SLC43A2: variants seen among roughly 807,000 people sequenced by gnomAD.
SLC43A2 encodes the protein large neutral amino acids transporter small subunit 4.
Under a neutral mutation model 63.2 loss-of-function variants are expected in SLC43A2, and 38 were observed. The ratio of observed to expected loss-of-function variants is 0.60; its 90% CI spans 0.46 to 0.79. The LOEUF (loss-of-function observed/expected upper bound fraction) is 0.79, where lower values mean the gene tolerates loss of function less well. SLC43A2 is among the 30% of genes least tolerant of loss of function. The pLI is 0.00. For missense variants in SLC43A2, 644 were observed against 756.2 expected (o/e 0.85, Z 1.74); for synonymous variants, 322 against 331.0 (o/e 0.97, Z 0.30).
chr17:1,593,117 C>T lies in SLC43A2; in HGVS notation c.594+70G>A. On this transcript the variant is annotated intron_variant, in intron 6 of 13. Coordinates refer to ENST00000301335, the MANE Select transcript of SLC43A2 (RefSeq NM_152346.3). This position sits in a 1 kb window ranked among gnomAD's most constrained non-coding sequence, Gnocchi z 5.3. ...CCCGGGTGCCCACAATTGCCTCCCT[C>T]TTCAGAGAGGGTGGAAGGAGCCTGG... 6.7e-6 allele frequency: 10 copies of T among 1,502,618 alleles called. No homozygotes were observed. Among genetic ancestry groups the T allele is most frequent in the African/African-American group, 1.4e-5 (1 of 72,898 alleles). 93.1% of individuals were successfully genotyped at this position (1,502,618 alleles called of 1,614,324 possible). A position where few individuals can be genotyped will look rare whatever the true frequency, so the allele number is the denominator to read the frequency against.
chr17:1,591,459 C>T lies in SLC43A2; in HGVS notation c.741G>A (p.Lys247=). 1 of 1,613,212 alleles carries T rather than the reference C, an allele frequency of 6.2e-7. No homozygotes were observed. Among genetic ancestry groups the T allele is most frequent in the African/African-American group, 1.3e-5 (1 of 75,002 alleles). Reference sequence around the variant, plus strand: ...TGTGGTCAAAGCCCAGCCAGCTGAACTTGATCTTCACCCTGGGGCCCCGGG... The same window carrying T: ...TGTGGTCAAAGCCCAGCCAGCTGAATTTGATCTTCACCCTGGGGCCCCGGG... The part of the protein sequence containing the change: ...PEDMDYSVKI[K]FSWLGFDHKI... The change falls in exon 8 of 14, where the codon AAG becomes AAA. Residue 247 remains lysine, a synonymous_variant. Coordinates refer to ENST00000301335, the MANE Select transcript of SLC43A2 (RefSeq NM_152346.3).
rs1161544000 is a variant in SLC43A2, at chr17:1,572,270, C to CGCCACAGAGGTCCCCCCT, written c.*3316_*3333dup. The CGCCACAGAGGTCCCCCCT allele has an allele frequency of 7.6e-6, 1 of 130,984 alleles. No individual in the cohort carries two copies. Among genetic ancestry groups the CGCCACAGAGGTCCCCCCT allele is most frequent in the South Asian group, 2.8e-4 (1 of 3,634 alleles). The allele number at this position is 130,984 out of a possible 1,614,324, so 8.1% of individuals were successfully genotyped here. On this transcript the variant is annotated 3_prime_UTR_variant, in exon 14 of 14. Coordinates refer to ENST00000301335, the MANE Select transcript of SLC43A2 (RefSeq NM_152346.3). The stretch of plus-strand genomic sequence containing the variant: ...CCCCCTGCCACAGAGGCCCCCCCCC[C>CGCCACAGAGGTCCCCCCT]GCCACAGAGGTCCCCCCTGCCACAG...
At position 1,572,354 on chromosome 17, in the gene SLC43A2, C is replaced by T. The variant is rs548679127; in HGVS notation, c.*3250G>A. The T allele has an allele frequency of 2.7e-5, 4 of 150,834 alleles. No individual in the cohort carries two copies. The highest frequency in any genetic ancestry group is 5.9e-5 in the Non-Finnish European group (4 of 67,982). 9.3% of individuals were successfully genotyped at this position (150,834 alleles called of 1,614,324 possible). ...GAGCTGCTGCTCCGAGTGGAATGTC[C>T]TGGTCTAGAGGCCCTTGGCTGCTCC... On this transcript the variant is annotated 3_prime_UTR_variant, in exon 14 of 14. Coordinates refer to ENST00000301335, the MANE Select transcript of SLC43A2 (RefSeq NM_152346.3).
chr17:1,611,069 C>G (rs1907056195), intron 5 of SLC43A2, among the ~76,000 whole-genome samples: 1 of 152,080 alleles, frequency 6.6e-6, no homozygotes, highest in African/African-American at 2.4e-5. Flanking sequence ...TCTCGAACTC[C>G]TGACCTCATG....
chr17:1,585,534 C>T, intron 10 of SLC43A2: 1 of 545,694 alleles, frequency 1.8e-6, no homozygotes, highest in Non-Finnish European at 2.9e-6. Context: ...GCATGAACCA[C>T]CCTCCCTGGC....
Position 1,591,666 on chromosome 17 carries a change from C to T in SLC43A2, c.628G>A (p.Val210Ile), listed in dbSNP as rs140407415. 4.4e-4 allele frequency: 673 copies of T among 1,541,112 alleles called. 1 individual carries two copies. In the African/African-American group the frequency reaches 8.7e-3, roughly 20 times the overall value. The change falls in exon 7 of 14, where the codon GTC becomes ATC. Residue 210 changes from valine to isoleucine, a missense_variant. By Grantham distance (29) the Val-to-Ile change is conservative. Coordinates refer to ENST00000301335, the MANE Select transcript of SLC43A2 (RefSeq NM_152346.3). ...GAGCAGCCGGCCCAGACCACGAGGA[C>T]GACGATGAAGGAGACACCAGCATCA... is the stretch of plus-strand genomic sequence containing the variant. ...IYDAGVSFIV[V>I]LVVWAGCSGL...
At chr17:1,599,773 G>C (rs530551413) in intron 5 of SLC43A2, among the ~76,000 whole-genome samples, 1 of 151,424 alleles carries the variant, frequency 6.6e-6, no homozygotes, top group African/African-American at 2.4e-5. Context: ...GGCCAGGCGC[G>C]GTGGCTCACG....
At chr17:1,608,535 A>G (rs553437345) in intron 5 of SLC43A2, among the ~76,000 whole-genome samples, 43 of 152,266 alleles carry the variant, frequency 2.8e-4, no homozygotes, top group African/African-American at 1.0e-3. Flanking sequence ...CTGGAATTAC[A>G]GGAACATGCC....
At chr17:1,622,563 T>C (rs911872961) in intron 2 of SLC43A2, among the ~76,000 whole-genome samples, 28 of 141,132 alleles carry the variant, frequency 2.0e-4, no homozygotes, top group African/African-American at 6.7e-4. Context: ...AGACTCTGTC[T>C]CAAAAAAAAA....
At chr17:1,619,747 C>A (rs11656606) in intron 2 of SLC43A2, among the ~76,000 whole-genome samples, 1,992 of 152,320 alleles carry the variant, frequency 0.013, 26 homozygotes, top group Non-Finnish European at 0.023. Flanking sequence ...AGGGTCTCTA[C>A]AAAGCAACAG....
chr17:1,594,447 G>A (rs770509646), intron 5 of SLC43A2, among the ~76,000 whole-genome samples: 12 of 152,222 alleles, frequency 7.9e-5, no homozygotes, highest in Non-Finnish European at 1.2e-4. Context: ...CACACCCAGC[G>A]TCCCTGGCCT....
At position 1,593,290 on chromosome 17, in the gene SLC43A2, A is replaced by G; in HGVS notation, c.502-11T>C. 1.2e-6 allele frequency: 2 copies of G among 1,612,362 alleles called. No homozygotes were observed. The highest frequency in any genetic ancestry group is 1.7e-6 in the Non-Finnish European group (2 of 1,179,170). On this transcript the variant is annotated splice_polypyrimidine_tract_variant and intron_variant, in intron 5 of 13. Coordinates refer to ENST00000301335, the MANE Select transcript of SLC43A2 (RefSeq NM_152346.3). The surrounding 1 kb of genome is among the most constrained non-coding windows in gnomAD (Gnocchi z 5.3). Reference sequence around the variant, plus strand: ...GAACATGTTGGGCAGCTGAGAGATAAGAAGCAGAGAAACCTCAGTGGGGAG... The same window carrying G: ...GAACATGTTGGGCAGCTGAGAGATAGGAAGCAGAGAAACCTCAGTGGGGAG...
intron 11 of SLC43A2, among the ~76,000 whole-genome samples, chr17:1,579,990 T>C (rs968190856): frequency 6.6e-6 from 1 of 151,714 alleles, no homozygotes; most frequent in Non-Finnish European, 1.5e-5. Context: ...TGGAATGCAG[T>C]GGCACGGCTC....
At chr17:1,584,267 A>T (rs2076067047) in intron 10 of SLC43A2, among the ~76,000 whole-genome samples, 1 of 152,122 alleles carries the variant, frequency 6.6e-6, no homozygotes, top group African/African-American at 2.4e-5. Context: ...GACACCCTGG[A>T]TGATCCAAGA....
intron 2 of SLC43A2, among the ~76,000 whole-genome samples, chr17:1,618,143 G>A (rs534630794): frequency 2.0e-5 from 3 of 152,328 alleles, no homozygotes; most frequent in South Asian, 2.1e-4. Context: ...GAAAGGATGC[G>A]CACAGGTGGA....
In SLC43A2 at chr17:1,571,714, A is replaced by G. The variant is rs1015671493; in HGVS notation, c.*3890T>C. 1.3e-5 allele frequency: 2 copies of G among 152,282 alleles called. No individual in the cohort carries two copies. The highest frequency in any genetic ancestry group is 1.5e-5 in the Non-Finnish European group (1 of 68,132). The allele number at this position is 152,282 out of a possible 1,614,324, so 9.4% of individuals were successfully genotyped here. A position where few individuals can be genotyped will look rare whatever the true frequency, so the allele number is the denominator to read the frequency against. On this transcript the variant is annotated 3_prime_UTR_variant, in exon 14 of 14. Coordinates refer to ENST00000301335, the MANE Select transcript of SLC43A2 (RefSeq NM_152346.3). This position sits in a 1 kb window ranked among gnomAD's most constrained non-coding sequence, Gnocchi z 5.2. Reference sequence around the variant, plus strand: ...GCAAGAGGGGACGGGGATGGAGCAAAACAGAAAGGATCCACCAGGGCCTGC... The same window carrying G: ...GCAAGAGGGGACGGGGATGGAGCAAGACAGAAAGGATCCACCAGGGCCTGC...
chr17:1,625,206 C>T (rs1165866743), intron 2 of SLC43A2, among the ~76,000 whole-genome samples: 1 of 152,196 alleles, frequency 6.6e-6, no homozygotes, highest in Non-Finnish European at 1.5e-5. Flanking sequence ...TGCCACGTCT[C>T]CCAGCAGGCA....
intron 10 of SLC43A2, 81 bp downstream of exon 10, chr17:1,585,832 C>T: frequency 1.1e-5 from 17 of 1,608,094 alleles, no homozygotes; most frequent in Non-Finnish European, 1.4e-5. Flanking sequence ...GTCCCACCCA[C>T]CCTGTGCCTG....
Position 1,578,392 on chromosome 17 carries a change from A to G in SLC43A2, c.1351-69T>C, listed in dbSNP as rs2075965557. 1.4e-6 allele frequency: 2 copies of G among 1,465,576 alleles called. No individual in the cohort carries two copies. The highest frequency in any genetic ancestry group is 1.9e-6 in the Non-Finnish European group (2 of 1,063,602). 90.8% of individuals were successfully genotyped at this position (1,465,576 alleles called of 1,614,324 possible). A position where few individuals can be genotyped will look rare whatever the true frequency, so the allele number is the denominator to read the frequency against. On this transcript the variant is annotated intron_variant, in intron 11 of 13. Transcript: ENST00000301335. The surrounding 1 kb of genome is among the most constrained non-coding windows in gnomAD (Gnocchi z 6.5). Reference sequence around the variant, plus strand: ...CCGTCCCCTCAGCCCCCGCCCTCCAATTCCTGGGGGCCCTCACCCCAGGGG... The same window carrying G: ...CCGTCCCCTCAGCCCCCGCCCTCCAGTTCCTGGGGGCCCTCACCCCAGGGG...
Sources: gnomAD v4.1 joint callset for allele counts (sites outside exome capture counted in the v4.1 genomes callset) on GRCh38, gnomAD v4.1.1 for gene constraint, Gnocchi (gnomAD v3.1) non-coding constraint, MANE v1.5 for transcripts, NCBI Gene and HGNC (gene_info 2026-07-23, HGNC 2026-07-21) for gene names.